PLA2G4D: variants seen among roughly 807,000 people sequenced by gnomAD.
The protein encoded by PLA2G4D is cytosolic phospholipase A2 delta.
Under a neutral mutation model 94.4 loss-of-function variants are expected in PLA2G4D, and 80 were observed. The observed-to-expected ratio is 0.85, with a 90% CI of 0.71 to 1.02. PLA2G4D has a LOEUF of 1.02. Among genes scored for constraint, PLA2G4D ranks in the 50% least tolerant of loss-of-function variants. The pLI is 0.00. For missense variants in PLA2G4D, 1,050 were observed against 1,034.7 expected (o/e 1.01, Z -0.20); for synonymous variants, 438 against 440.9 (o/e 0.99, Z 0.08).
intron 15 of PLA2G4D, 108 bp downstream of exon 15, chr15:42,071,666 A>AGTG: frequency 1.7e-6 from 1 of 582,856 alleles, no homozygotes; most frequent in Non-Finnish European, 2.7e-6. Flanking sequence ...CCCCCCCGCC[A>AGTG]CCCCTCCCCC....
intron 13 of PLA2G4D, among the ~76,000 whole-genome samples, chr15:42,072,622 C>T (rs1006319352): frequency 6.6e-6 from 1 of 152,164 alleles, no homozygotes; most frequent in African/African-American, 2.4e-5. Context: ...TATGAATCTC[C>T]AGCGAGGGCC....
At chr15:42,085,432 G>A (rs1890122384) in intron 5 of PLA2G4D, 59 bp downstream of exon 5, 4 of 1,578,150 alleles carry the variant, frequency 2.5e-6, no homozygotes, top group African/African-American at 2.7e-5. Flanking sequence ...TCTGGGTCAG[G>A]GCCATTTCCT....
chr15:42,082,027 G>A (rs1252399806), intron 9 of PLA2G4D, among the ~76,000 whole-genome samples, 193 bp from the exon 10 acceptor site: 1 of 151,044 alleles, frequency 6.6e-6, no homozygotes, highest in African/African-American at 2.4e-5. Context: ...CGCCTCCTGG[G>A]TTCAGGTGAT....
rs573296678 is a variant in PLA2G4D, at chr15:42,083,138, C to T, written c.672+60G>A. 2.4e-4 allele frequency: 379 copies of T among 1,565,986 alleles called. No individual in the cohort carries two copies. In the African/African-American group the frequency reaches 3.7e-3, roughly 15 times the overall value. On this transcript the variant is annotated intron_variant, in intron 8 of 19. Coordinates refer to ENST00000290472, the MANE Select transcript of PLA2G4D (RefSeq NM_178034.4). Reference sequence around the variant, plus strand: ...TGGGCAGGGAAGGCAGGGAGGGGCCCGCTGCAGCTGGAGCTGCCCAAGCCT... The same window carrying T: ...TGGGCAGGGAAGGCAGGGAGGGGCCTGCTGCAGCTGGAGCTGCCCAAGCCT...
At chr15:42,078,706 A>G (rs1203588699) in intron 13 of PLA2G4D, among the ~76,000 whole-genome samples, 1 of 152,096 alleles carries the variant, frequency 6.6e-6, no homozygotes, top group African/African-American at 2.4e-5. Context: ...TCCCATGATA[A>G]TCATACTTGA....
Position 42,070,020 on chromosome 15 carries a change from G to A in PLA2G4D, c.2119C>T (p.Gln707Ter). 1 of 1,514,106 alleles carries A rather than the reference G, an allele frequency of 6.6e-7. No individual in the cohort carries two copies. Among genetic ancestry groups the A allele is most frequent in the South Asian group, 1.3e-5 (1 of 78,188 alleles). 93.8% of individuals were successfully genotyped at this position (1,514,106 alleles called of 1,614,324 possible). ...AGGTGGCATTCCCTTGGCTGGTGCTGGTCCTGAGGGCTGGGTTCCACCCGG... is the reference window on the plus strand; with the variant it reads ...AGGTGGCATTCCCTTGGCTGGTGCTAGTCCTGAGGGCTGGGTTCCACCCGG... Reference protein sequence around the residue: ...FPRVEPSPQDQHQPRECHLFS... With the variant: ...FPRVEPSPQD The change falls in exon 19 of 20, where the codon CAG becomes TAG. Residue 707 changes from glutamine (Q) to a stop codon, truncating the protein, a stop_gained. Coordinates refer to ENST00000290472, the MANE Select transcript of PLA2G4D (RefSeq NM_178034.4). LOFTEE classifies it high-confidence loss of function.
At chr15:42,071,957 G>T in intron 14 of PLA2G4D, 46 bp from the exon 15 acceptor site, 1 of 1,599,996 alleles carries the variant, frequency 6.3e-7, no homozygotes, top group Non-Finnish European at 8.5e-7. Flanking sequence ...GGAGTGGATT[G>T]CGGGAGTCCC....
rs979542236 is a variant in PLA2G4D at position 42,084,547 on chromosome 15, G to A, written c.471+549C>T. Among the ~76,000 whole-genome samples the A allele has an allele frequency of 2.6e-5, 4 of 152,150 alleles. No homozygotes were observed. Among genetic ancestry groups the A allele is most frequent in the Non-Finnish European group, 5.9e-5 (4 of 68,030 alleles). On this transcript the variant is annotated intron_variant, in intron 6 of 19. Transcript: ENST00000290472. This position sits in a 1 kb window ranked among gnomAD's most constrained non-coding sequence, Gnocchi z 4.8. ...CTGGGTCACTGTGATAATCGAGCGC[G>A]TCGCCCGCTCGCCACCTTGCGGCCA...
At chr15:42,085,674 A>G in intron 4 of PLA2G4D, 143 bp from the exon 5 acceptor site, 1 of 794,106 alleles carries the variant, frequency 1.3e-6, no homozygotes, top group African/African-American at 1.7e-5. Context: ...TTTATGGATG[A>G]GGAAACTGAG....
Position 42,068,956 on chromosome 15 carries a change from G to C in PLA2G4D, c.2231-15C>G, listed in dbSNP as rs1241992810. 1.9e-6 allele frequency: 3 copies of C among 1,601,930 alleles called. No homozygotes were observed. The highest frequency in any genetic ancestry group is 1.7e-6 in the Non-Finnish European group (2 of 1,175,626). On this transcript the variant is annotated splice_polypyrimidine_tract_variant and intron_variant, in intron 19 of 19. Transcript: ENST00000290472. ...GCGCTGGACACCTGCCCAGGGGTAG[G>C]AGGGGTGTCAGGAGCAGGACGCCGG...
Position 42,086,194 on chromosome 15 carries a change from T to TACCCCCCCCCC in PLA2G4D, c.387+18_387+19insGGGGGGGGGGT. Reference sequence around the variant, plus strand: ...GGAAGAAGTGGGGCCCACGGGGACTTCCCCACCCACCCACCCACCTGGGGA... The same window carrying TACCCCCCCCCC: ...GGAAGAAGTGGGGCCCACGGGGACTTACCCCCCCCCCCCCCACCCACCCACCCACCTGGGGA... On this transcript the variant is annotated intron_variant, in intron 4 of 19. Transcript: ENST00000290472. 2 of 1,370,442 alleles carry TACCCCCCCCCC rather than the reference T, an allele frequency of 1.5e-6. No individual in the cohort carries two copies. The allele number at this position is 1,370,442 out of a possible 1,614,324, so 84.9% of individuals were successfully genotyped here.
intron 1 of PLA2G4D, among the ~76,000 whole-genome samples, chr15:42,092,834 G>T (rs1370092211): frequency 6.6e-6 from 1 of 152,228 alleles, no homozygotes; most frequent in Non-Finnish European, 1.5e-5. Flanking sequence ...GCTTAAGGGG[G>T]TTGGGTCTCC....
chr15:42,075,112 T>C (rs1889893810), intron 13 of PLA2G4D, among the ~76,000 whole-genome samples: 1 of 152,218 alleles, frequency 6.6e-6, no homozygotes, highest in Admixed American at 6.5e-5. Context: ...TTTGTAGAGA[T>C]GGGGTCTCAC....
At chr15:42,081,648 A>G (rs755332743) in intron 10 of PLA2G4D, 34 bp from the exon 11 acceptor site, 2 of 1,611,840 alleles carry the variant, frequency 1.2e-6, no homozygotes, top group Non-Finnish European at 1.7e-6. Flanking sequence ...GTCAGGGGAC[A>G]CCTGCATAGC....
chr15:42,077,453 C>T (rs913072305), intron 13 of PLA2G4D, among the ~76,000 whole-genome samples: 3 of 152,270 alleles, frequency 2.0e-5, no homozygotes, highest in African/African-American at 7.2e-5. Flanking sequence ...AAATGTGATA[C>T]ATCACATCAA....
At chr15:42,088,779 A>G (rs1447874447) in intron 1 of PLA2G4D, among the ~76,000 whole-genome samples, 1 of 152,124 alleles carries the variant, frequency 6.6e-6, no homozygotes, top group Non-Finnish European at 1.5e-5. Context: ...AGGGTCTGTT[A>G]GAACAGGGGC....
At chr15:42,081,774 C>G in intron 10 of PLA2G4D, 23 bp downstream of exon 10, 1 of 1,614,184 alleles carries the variant, frequency 6.2e-7, no homozygotes, top group East Asian at 2.2e-5. Flanking sequence ...CTCACTGTCC[C>G]CACAGATGTG....
Position 42,084,854 on chromosome 15 carries a change from A to G in PLA2G4D, c.471+242T>C, listed in dbSNP as rs1890109856. On this transcript the variant is annotated intron_variant, in intron 6 of 19. Transcript: ENST00000290472. This position sits in a 1 kb window ranked among gnomAD's most constrained non-coding sequence, Gnocchi z 4.8. Reference sequence around the variant, plus strand: ...AACACCTTCCGGAAGCACCCCGAACAGCCGTGGGCCAGAACCTCCTCTCAG... The same window carrying G: ...AACACCTTCCGGAAGCACCCCGAACGGCCGTGGGCCAGAACCTCCTCTCAG... Among the ~76,000 whole-genome samples the G allele has an allele frequency of 6.6e-6, 1 of 152,128 alleles. No homozygotes were observed. Among genetic ancestry groups the G allele is most frequent in the African/African-American group, 2.4e-5 (1 of 41,418 alleles).
chr15:42,077,126 T>A (rs1222201606), intron 13 of PLA2G4D, among the ~76,000 whole-genome samples: 1 of 152,196 alleles, frequency 6.6e-6, no homozygotes, highest in Non-Finnish European at 1.5e-5. Context: ...AAGGACCTGA[T>A]GGCTTCACTG....
Sources: allele counts gnomAD v4.1 joint callset (sites outside exome capture counted in the v4.1 genomes callset), GRCh38; gene constraint gnomAD v4.1.1; non-coding constraint Gnocchi (gnomAD v3.1); transcripts MANE v1.5; gene names NCBI Gene and HGNC (gene_info 2026-07-23, HGNC 2026-07-21).